NUAK1: variants seen among roughly 807,000 people sequenced by gnomAD.
NUAK1 encodes NUAK family kinase 1.
NUAK1 carries 26 observed loss-of-function variants against 56.9 expected under a neutral mutation model. That is an observed-to-expected ratio of 0.46 (90% CI 0.33 to 0.63). The LOEUF (loss-of-function observed/expected upper bound fraction) is 0.63, where lower values mean the gene tolerates loss of function less well. Ranked by LOEUF, NUAK1 falls within the 30% of genes least tolerant of loss-of-function variation. The probability of loss-of-function intolerance (pLI) is 0.02; values close to 1 mark genes in which losing one functional copy is unlikely to be tolerated. For missense variants in NUAK1, 727 were observed against 876.1 expected (o/e 0.83, Z 2.15); for synonymous variants, 337 against 336.0 (o/e 1.00, Z -0.03).
rs2032315703 is a variant in NUAK1 at position 106,064,781 on chromosome 12, A to AC, written c.*2020dup. On this transcript the variant is annotated 3_prime_UTR_variant, in exon 7 of 7. Coordinates refer to ENST00000261402, the MANE Select transcript of NUAK1 (RefSeq NM_014840.3). ...CAGAGTTGCAGGTTGTCCTCCATGC[A>AC]CCCACACCCCCACCCCCCCCCACAC... 2.3e-5 allele frequency: 3 copies of AC among 132,354 alleles called. No individual in the cohort carries two copies. Among genetic ancestry groups the AC allele is most frequent in the Non-Finnish European group, 3.4e-5 (2 of 58,112 alleles). 8.2% of individuals were successfully genotyped at this position (132,354 alleles called of 1,614,324 possible).
At chr12:106,096,974 A>G (rs780299806) in intron 2 of NUAK1, among the ~76,000 whole-genome samples, 9 of 152,184 alleles carry the variant, frequency 5.9e-5, no homozygotes, top group Non-Finnish European at 1.2e-4. Context: ...GCTGGCCTCA[A>G]TCTTCTCTTC....
chr12:106,083,755 G>A (rs912960906), intron 4 of NUAK1, 109 bp downstream of exon 4: 2 of 878,076 alleles, frequency 2.3e-6, no homozygotes, highest in African/African-American at 3.3e-5. Flanking sequence ...CAGCCTGCCA[G>A]GTAGGAAGTG....
At chr12:106,075,511 T>C (rs568370273) in intron 4 of NUAK1, among the ~76,000 whole-genome samples, 26 of 152,244 alleles carry the variant, frequency 1.7e-4, no homozygotes, top group African/African-American at 6.0e-4. Context: ...CCCTACTGTG[T>C]CATGGTGGAG....
intron 1 of NUAK1, among the ~76,000 whole-genome samples, chr12:106,124,222 G>A (rs1346927707): frequency 3.3e-5 from 5 of 152,082 alleles, no homozygotes; most frequent in African/African-American, 1.2e-4. Flanking sequence ...TCAACTAGCA[G>A]GAATAATAAT....
chr12:106,110,180 C>G (rs760992507), intron 1 of NUAK1, among the ~76,000 whole-genome samples: 8 of 152,196 alleles, frequency 5.3e-5, no homozygotes, highest in Non-Finnish European at 7.3e-5. Context: ...TCCACCCGCT[C>G]CCACACTGTC....
At chr12:106,134,070 A>C (rs974552164) in intron 1 of NUAK1, among the ~76,000 whole-genome samples, 6 of 152,200 alleles carry the variant, frequency 3.9e-5, no homozygotes, top group Non-Finnish European at 8.8e-5. Context: ...TGATGGAAAA[A>C]TACCAAACCA....
chr12:106,102,446 G>T (rs1245950697), intron 2 of NUAK1, among the ~76,000 whole-genome samples: 1 of 152,228 alleles, frequency 6.6e-6, no homozygotes, highest in Non-Finnish European at 1.5e-5. Context: ...TGTGGCTAGT[G>T]TGACTGGGGA....
At chr12:106,103,639 T>C (rs2032770180) in intron 2 of NUAK1, among the ~76,000 whole-genome samples, 1 of 152,184 alleles carries the variant, frequency 6.6e-6, no homozygotes. Context: ...TCCCAGAATA[T>C]ACTGCTTACA....
chr12:106,120,375 C>T (rs951887106), intron 1 of NUAK1, among the ~76,000 whole-genome samples: 1 of 152,192 alleles, frequency 6.6e-6, no homozygotes, highest in Admixed American at 6.5e-5. Context: ...GCCCAACATC[C>T]AGTATATGCT....
At chr12:106,117,760 T>C (rs946313876) in intron 1 of NUAK1, among the ~76,000 whole-genome samples, 12 of 152,168 alleles carry the variant, frequency 7.9e-5, no homozygotes, top group Non-Finnish European at 1.8e-4. Flanking sequence ...CTACAAACTA[T>C]TTACCTGCCA....
intron 1 of NUAK1, among the ~76,000 whole-genome samples, chr12:106,117,141 C>A (rs2032925823): frequency 6.6e-6 from 1 of 152,174 alleles, no homozygotes; most frequent in Admixed American, 6.5e-5. Flanking sequence ...ACTATTCCTA[C>A]CCCCAAGATG....
chr12:106,133,490 A>G (rs189114380), intron 1 of NUAK1, among the ~76,000 whole-genome samples: 1 of 152,268 alleles, frequency 6.6e-6, no homozygotes, highest in East Asian at 1.9e-4. Context: ...TGGGTTTCCA[A>G]ACAAACTCCA....
At position 106,104,470 on chromosome 12, in the gene NUAK1, G is replaced by A. The variant is rs911388090; in HGVS notation, c.361+1935C>T. 5.3e-5 allele frequency among the ~76,000 whole-genome samples: 8 copies of A among 152,182 alleles called. No homozygotes were observed. The East Asian group carries it at 1.2e-3, about 22-fold the overall frequency. On this transcript the variant is annotated intron_variant, in intron 2 of 6. Coordinates refer to ENST00000261402, the MANE Select transcript of NUAK1 (RefSeq NM_014840.3). ...CTTCACTGAACAGAGTGCTTAACAC[G>A]AAGTAGACACTCCACTCAGTAGACT...
intron 1 of NUAK1, among the ~76,000 whole-genome samples, chr12:106,130,438 A>C (rs2033066029): frequency 1.3e-5 from 2 of 152,236 alleles, no homozygotes; most frequent in Admixed American, 1.3e-4. Flanking sequence ...ATTGTTAAGC[A>C]CACATTAAAT....
chr12:106,094,073 T>G (rs1294536580), intron 2 of NUAK1, among the ~76,000 whole-genome samples: 2 of 151,954 alleles, frequency 1.3e-5, no homozygotes, highest in African/African-American at 4.8e-5. Flanking sequence ...CCTCCCAAAG[T>G]GCTGGGATTA....
Position 106,064,883 on chromosome 12 carries a change from T to C in NUAK1, c.*1919A>G, listed in dbSNP as rs1179423365. The C allele has an allele frequency of 6.8e-6, 1 of 147,870 alleles. No homozygotes were observed. Among genetic ancestry groups the C allele is most frequent in the South Asian group, 2.1e-4 (1 of 4,728 alleles). 9.2% of individuals were successfully genotyped at this position (147,870 alleles called of 1,614,324 possible). On this transcript the variant is annotated 3_prime_UTR_variant, in exon 7 of 7. Coordinates refer to ENST00000261402, the MANE Select transcript of NUAK1 (RefSeq NM_014840.3). ...AGTTCAGGAAGGAGGTGGAATTGAA[T>C]GAAAGGAAATTGAGCAGCTTCCCAT...
chr12:106,121,560 G>C (rs552422911), intron 1 of NUAK1, among the ~76,000 whole-genome samples: 45 of 152,286 alleles, frequency 3.0e-4, no homozygotes, highest in African/African-American at 1.1e-3. Flanking sequence ...GACCACCCTG[G>C]CCAACAAGGC....
chr12:106,124,922 G>A (rs945217022), intron 1 of NUAK1, among the ~76,000 whole-genome samples: 15 of 152,036 alleles, frequency 9.9e-5, no homozygotes, highest in South Asian at 2.1e-4. Context: ...ACTTGAACCC[G>A]GGAGGTGGAG....
At chr12:106,091,966 T>C (rs1490596617) in intron 2 of NUAK1, among the ~76,000 whole-genome samples, 1 of 151,764 alleles carries the variant, frequency 6.6e-6, no homozygotes, top group African/African-American at 2.4e-5. Flanking sequence ...AAGGCCGAGA[T>C]GGGAGGATTG....
Sources: gnomAD v4.1 joint callset for allele counts (sites outside exome capture counted in the v4.1 genomes callset) on GRCh38, gnomAD v4.1.1 for gene constraint, MANE v1.5 for transcripts, NCBI Gene and HGNC (gene_info 2026-07-23, HGNC 2026-07-21) for gene names.